Variants in UBE2H observed in about 807,000 individuals in gnomAD.
UBE2H encodes ubiquitin conjugating enzyme E2 H, also known as ubiquitin-conjugating enzyme E2 H.
In UBE2H, 3 loss-of-function variants were observed where a neutral mutation model predicts 29.0. The observed-to-expected ratio is 0.10, with a 90% CI of 0.05 to 0.27. The LOEUF (loss-of-function observed/expected upper bound fraction) is 0.27. Among genes scored for constraint, UBE2H ranks in the 10% least tolerant of loss-of-function variants. The pLI is 1.00. For synonymous variants in UBE2H, 69 were observed against 82.9 expected (o/e 0.83, Z 0.91); for missense variants, 68 against 228.2 (o/e 0.30, Z 4.52).
chr7:129,947,383 G>C (rs1807786508), intron 1 of UBE2H, among the ~76,000 whole-genome samples: 1 of 152,102 alleles, frequency 6.6e-6, no homozygotes, highest in African/African-American at 2.4e-5. Context: ...CTAAAACAGA[G>C]TCCACTGGAA....
At chr7:129,940,183 G>C (rs976029367) in intron 1 of UBE2H, among the ~76,000 whole-genome samples, 9 of 151,848 alleles carry the variant, frequency 5.9e-5, no homozygotes, top group Non-Finnish European at 1.0e-4. Context: ...AAGTGTACAT[G>C]ATAACTTGAT....
intron 2 of UBE2H, among the ~76,000 whole-genome samples, chr7:129,880,069 T>C (rs113567689): frequency 9.9e-5 from 15 of 152,054 alleles, no homozygotes; most frequent in Non-Finnish European, 1.5e-4. Flanking sequence ...TACTGTCACA[T>C]AGAGATAAAG....
chr7:129,909,593 C>T lies in UBE2H; in HGVS notation c.54-28622G>A, dbSNP rs116792414. 8.5e-3 allele frequency among the ~76,000 whole-genome samples: 1,298 copies of T among 152,232 alleles called. 24 individuals are homozygous for T. The highest frequency in any genetic ancestry group is 0.03 in the African/African-American group (1,239 of 41,530). ...AAAATGGGCCGGGAGTGGTGGCTCA[C>T]GCCTGTAATCTTAGCACTTTGGGAG... On this transcript the variant is annotated intron_variant, in intron 1 of 6. Coordinates refer to ENST00000355621, the MANE Select transcript of UBE2H (RefSeq NM_003344.4).
intron 1 of UBE2H, among the ~76,000 whole-genome samples, chr7:129,894,799 A>AT (rs796143479): frequency 8.4e-4 from 123 of 146,112 alleles, no homozygotes; most frequent in African/African-American, 1.3e-3. Flanking sequence ...CATACCCATC[A>AT]TTTTTTTTTT....
intron 5 of UBE2H, among the ~76,000 whole-genome samples, chr7:129,850,367 GA>G (rs951059284): frequency 1.3e-5 from 2 of 150,756 alleles, no homozygotes; most frequent in African/African-American, 4.9e-5. Context: ...CAAAAAAAAA[GA>G]AAAAAATAAC....
At chr7:129,876,728 T>C (rs1806150842) in intron 3 of UBE2H, among the ~76,000 whole-genome samples, 1 of 152,110 alleles carries the variant, frequency 6.6e-6, no homozygotes, top group Non-Finnish European at 1.5e-5. Flanking sequence ...AAAAAAGAGC[T>C]CAAAGTGTTT....
At chr7:129,920,641 G>A (rs1807139157) in intron 1 of UBE2H, among the ~76,000 whole-genome samples, 2 of 151,912 alleles carry the variant, frequency 1.3e-5, no homozygotes, top group Admixed American at 1.3e-4. Context: ...AAGAAGACAG[G>A]GAGGGAAGCG....
At chr7:129,901,296 G>A (rs1157452496) in intron 1 of UBE2H, among the ~76,000 whole-genome samples, 1 of 152,176 alleles carries the variant, frequency 6.6e-6, no homozygotes, top group African/African-American at 2.4e-5. Context: ...TCTAGTTCAA[G>A]TCTGTTCTTT....
At chr7:129,943,676 G>A (rs1239391829) in intron 1 of UBE2H, among the ~76,000 whole-genome samples, 3 of 152,106 alleles carry the variant, frequency 2.0e-5, no homozygotes, top group Non-Finnish European at 4.4e-5. Flanking sequence ...AGAGGCAGGC[G>A]GATCACCTGA....
intron 1 of UBE2H, among the ~76,000 whole-genome samples, chr7:129,920,953 A>C (rs1213692389): frequency 6.6e-6 from 1 of 151,114 alleles, no homozygotes; most frequent in Non-Finnish European, 1.5e-5. Flanking sequence ...ACTTGAGGCC[A>C]GGAGTTTGAG....
chr7:129,865,743 C>T (rs1194482451), intron 3 of UBE2H, among the ~76,000 whole-genome samples: 1 of 152,176 alleles, frequency 6.6e-6, no homozygotes. Flanking sequence ...AGAACAACTG[C>T]CCACATAAAG....
At chr7:129,938,886 C>A (rs1035512081) in intron 1 of UBE2H, among the ~76,000 whole-genome samples, 1 of 151,760 alleles carries the variant, frequency 6.6e-6, no homozygotes, top group African/African-American at 2.4e-5. Flanking sequence ...GCAACCTCCA[C>A]CTCCTAGGTT....
chr7:129,944,333 C>T (rs984351747), intron 1 of UBE2H, among the ~76,000 whole-genome samples: 3 of 152,036 alleles, frequency 2.0e-5, no homozygotes, highest in East Asian at 1.9e-4. Context: ...TCAGCCTGGG[C>T]GACAGAGCGA....
chr7:129,950,522 A>G (rs190278636), intron 1 of UBE2H, among the ~76,000 whole-genome samples: 108 of 152,240 alleles, frequency 7.1e-4, no homozygotes, highest in Middle Eastern at 6.8e-3. Context: ...AAGGCACTGT[A>G]TGGAAAAGGC....
At chr7:129,844,755 C>T (rs1033902460) in intron 5 of UBE2H, among the ~76,000 whole-genome samples, 2 of 152,210 alleles carry the variant, frequency 1.3e-5, no homozygotes, top group African/African-American at 4.8e-5. Context: ...AGCACTGACT[C>T]TTCAGTCTGA....
intron 5 of UBE2H, among the ~76,000 whole-genome samples, chr7:129,854,069 T>TTTTTTTTTA (rs1563022992): frequency 6.7e-6 from 1 of 149,516 alleles, no homozygotes; most frequent in Non-Finnish European, 1.5e-5. Context: ...AGTTTTTTTT[T>TTTTTTTTTA]TTTTTTTTTT....
At chr7:129,861,629 C>T (rs890077810) in intron 3 of UBE2H, among the ~76,000 whole-genome samples, 3 of 152,186 alleles carry the variant, frequency 2.0e-5, no homozygotes, top group Admixed American at 1.3e-4. Flanking sequence ...CAGTGGCTCT[C>T]GCCCGTAATC....
intron 1 of UBE2H, among the ~76,000 whole-genome samples, chr7:129,939,687 C>A (rs1807601878): frequency 1.3e-5 from 2 of 152,034 alleles, no homozygotes. Flanking sequence ...AGGCTGGGCA[C>A]GGTGGCTCAT....
chr7:129,931,390 G>A (rs1439115292), intron 1 of UBE2H, among the ~76,000 whole-genome samples: 2 of 149,908 alleles, frequency 1.3e-5, no homozygotes. Flanking sequence ...TCTGTCTTGG[G>A]GAAAGAAAAA....
Sources: allele counts gnomAD v4.1 joint callset (sites outside exome capture counted in the v4.1 genomes callset), GRCh38; gene constraint gnomAD v4.1.1; transcripts MANE v1.5; gene names NCBI Gene and HGNC (gene_info 2026-07-23, HGNC 2026-07-21).